CAMTA1: variants seen among roughly 807,000 people sequenced by gnomAD.
The protein encoded by CAMTA1 is calmodulin-binding transcription activator 1.
In CAMTA1, 27 loss-of-function variants were observed where a neutral mutation model predicts 170.9. The ratio of observed to expected loss-of-function variants is 0.16; its 90% CI spans 0.12 to 0.22. The LOEUF is 0.22. CAMTA1 is among the 10% of genes least tolerant of loss of function. The probability of loss-of-function intolerance (pLI) is 1.00; values close to 1 mark genes in which losing one functional copy is unlikely to be tolerated. For missense variants in CAMTA1, 1,619 were observed against 2,217.2 expected (o/e 0.73, Z 5.42); for synonymous variants, 833 against 891.5 (o/e 0.93, Z 1.17).
chr1:7,411,444 C>T (rs1381728668), intron 5 of CAMTA1, among the ~76,000 whole-genome samples: 1 of 144,422 alleles, frequency 6.9e-6, no homozygotes, highest in Non-Finnish European at 1.5e-5. Context: ...GAGGCTGAGG[C>T]AGGAGAATCG....
At chr1:7,168,304 T>A (rs966864683) in intron 4 of CAMTA1, among the ~76,000 whole-genome samples, 2 of 152,246 alleles carry the variant, frequency 1.3e-5, no homozygotes, top group African/African-American at 4.8e-5. Context: ...TTCTTCATTC[T>A]CAACCCTTAG....
In CAMTA1 at chr1:7,769,307, C is replaced by A. The variant is rs2097041947; in HGVS notation, c.*2816C>A. ...TTCCCAAGTGCCAGGAGTAGGATTT[C>A]ATTATAAAATTAATAGCTAATCTTA... On this transcript the variant is annotated 3_prime_UTR_variant, in exon 23 of 23. Coordinates refer to ENST00000303635, the MANE Select transcript of CAMTA1 (RefSeq NM_015215.4). The A allele has an allele frequency of 9.8e-5, 15 of 152,768 alleles. No individual in the cohort carries two copies. The allele number at this position is 152,768 out of a possible 1,614,324, so 9.5% of individuals were successfully genotyped here. A position where few individuals can be genotyped will look rare whatever the true frequency, so the allele number is the denominator to read the frequency against.
intron 1 of CAMTA1, among the ~76,000 whole-genome samples, chr1:6,803,486 A>G (rs1200601441): frequency 6.6e-6 from 1 of 152,208 alleles, no homozygotes; most frequent in Non-Finnish European, 1.5e-5. Flanking sequence ...GAATACTGTG[A>G]AAGAATAGTA....
rs1327829551 is a variant in CAMTA1 at position 7,547,193 on chromosome 1, A to G, written c.510+79292A>G. Among the ~76,000 whole-genome samples, 3 of 152,164 alleles carry G rather than the reference A, an allele frequency of 2.0e-5. No individual in the cohort carries two copies. The East Asian group carries it at 5.8e-4, about 29-fold the overall frequency. ...GCTTTCTGAACAAGATGTTCCAGGC[A>G]TATCTTGTACTTTCCTGAAATCAAC... On this transcript the variant is annotated intron_variant, in intron 6 of 22. Transcript: ENST00000303635. The surrounding 1 kb of genome is among the most constrained non-coding windows in gnomAD (Gnocchi z 5.7).
At chr1:7,599,712 G>A (rs531405382) in intron 6 of CAMTA1, among the ~76,000 whole-genome samples, 12 of 152,286 alleles carry the variant, frequency 7.9e-5, no homozygotes, top group African/African-American at 2.9e-4. Context: ...GTTGTGAATA[G>A]GAGTTCATTC....
chr1:7,095,425 G>A (rs1040879766), intron 4 of CAMTA1, among the ~76,000 whole-genome samples: 1 of 152,156 alleles, frequency 6.6e-6, no homozygotes, highest in East Asian at 1.9e-4. Flanking sequence ...CTCTCACACC[G>A]CCCATGGGCT....
chr1:7,144,239 G>GTGTGTT lies in CAMTA1; in HGVS notation c.302+52873_302+52874insTTGTGT, dbSNP rs1439622025. On this transcript the variant is annotated intron_variant, in intron 4 of 22. Coordinates refer to ENST00000303635, the MANE Select transcript of CAMTA1 (RefSeq NM_015215.4). This position sits in a 1 kb window ranked among gnomAD's most constrained non-coding sequence, Gnocchi z 4.0. Reference sequence around the variant, plus strand: ...TGTCCTCAGATGGCCTTTTCTAAGTGTGTGTGTGTGTGTATGTGTGTGTTT... The same window carrying GTGTGTT: ...TGTCCTCAGATGGCCTTTTCTAAGTGTGTGTTTGTGTGTGTGTGTATGTGTGTGTTT... 6.6e-6 allele frequency among the ~76,000 whole-genome samples: 1 copy of GTGTGTT among 151,616 alleles called. No homozygotes were observed. The highest frequency in any genetic ancestry group is 2.4e-5 in the African/African-American group (1 of 41,276).
intron 6 of CAMTA1, among the ~76,000 whole-genome samples, chr1:7,587,411 G>C (rs1444473049): frequency 1.3e-5 from 2 of 152,068 alleles, no homozygotes; most frequent in Admixed American, 6.5e-5. Flanking sequence ...TGGGGCCTGC[G>C]TCTGCGGTGA....
chr1:7,045,444 A>G (rs1461038714), intron 3 of CAMTA1, among the ~76,000 whole-genome samples: 1 of 152,120 alleles, frequency 6.6e-6, no homozygotes, highest in Admixed American at 6.5e-5. Flanking sequence ...AAATACCCCC[A>G]ATACCTGAGA....
chr1:7,726,015 G>C (rs1406554843), intron 11 of CAMTA1, among the ~76,000 whole-genome samples: 2 of 152,190 alleles, frequency 1.3e-5, no homozygotes, highest in African/African-American at 4.8e-5. Flanking sequence ...GGTCACGCAC[G>C]GAGAGTCTGC....
chr1:7,721,150 A>G (rs2096647234), intron 11 of CAMTA1, among the ~76,000 whole-genome samples: 1 of 152,242 alleles, frequency 6.6e-6, no homozygotes, highest in Admixed American at 6.5e-5. Context: ...AGCCTCTAGC[A>G]GGAATGACAC....
chr1:6,832,394 A>T (rs186478094), intron 3 of CAMTA1, among the ~76,000 whole-genome samples: 1 of 152,234 alleles, frequency 6.6e-6, no homozygotes, highest in Admixed American at 6.5e-5. Context: ...CTTTTAAAAA[A>T]TTTATTTAGT....
chr1:6,892,910 G>A (rs1571440220), intron 3 of CAMTA1, among the ~76,000 whole-genome samples: 1 of 151,820 alleles, frequency 6.6e-6, no homozygotes, highest in Non-Finnish European at 1.5e-5. Context: ...AAATGTATGA[G>A]TAGATAGGTT....
intron 5 of CAMTA1, among the ~76,000 whole-genome samples, chr1:7,322,521 G>C (rs931626145): frequency 6.6e-6 from 1 of 152,268 alleles, no homozygotes; most frequent in Admixed American, 6.5e-5. Context: ...ATGGGCAACT[G>C]TGGCAATAGC....
At chr1:7,105,272 T>C (rs1225275336) in intron 4 of CAMTA1, among the ~76,000 whole-genome samples, 1 of 152,250 alleles carries the variant, frequency 6.6e-6, no homozygotes, top group Non-Finnish European at 1.5e-5. Context: ...TGATTTTAAA[T>C]GAAGATTGAA....
intron 1 of CAMTA1, among the ~76,000 whole-genome samples, chr1:6,801,592 G>A (rs1328456106): frequency 1.3e-5 from 2 of 152,128 alleles, no homozygotes; most frequent in African/African-American, 2.4e-5. Context: ...ATACACAATA[G>A]GAATGTCCCT....
intron 5 of CAMTA1, among the ~76,000 whole-genome samples, chr1:7,338,708 G>A (rs755066974): frequency 1.8e-4 from 27 of 152,204 alleles, no homozygotes; most frequent in Non-Finnish European, 3.7e-4. Context: ...AAACTACAGT[G>A]GGGAAGGTGC....
chr1:7,346,926 TCA>T (rs1368469592), intron 5 of CAMTA1, among the ~76,000 whole-genome samples: 1 of 152,192 alleles, frequency 6.6e-6, no homozygotes, highest in Non-Finnish European at 1.5e-5. Context: ...CACTCAACTG[TCA>T]CAGACTGAAG....
At chr1:6,942,757 A>G (rs753978989) in intron 3 of CAMTA1, among the ~76,000 whole-genome samples, 1 of 152,260 alleles carries the variant, frequency 6.6e-6, no homozygotes, top group Non-Finnish European at 1.5e-5. Flanking sequence ...AGCTGTAGCC[A>G]GGTCTGCCCT....
Sources: gnomAD v4.1 joint callset for allele counts (sites outside exome capture counted in the v4.1 genomes callset) on GRCh38, gnomAD v4.1.1 for gene constraint, Gnocchi (gnomAD v3.1) non-coding constraint, MANE v1.5 for transcripts, NCBI Gene and HGNC (gene_info 2026-07-23, HGNC 2026-07-21) for gene names.